Variants in DNAH11 observed in about 807,000 individuals in gnomAD.
DNAH11 encodes the protein axonemal beta dynein heavy chain 11.
Under a neutral mutation model 526.0 loss-of-function variants are expected in DNAH11, and 442 were observed. The ratio of observed to expected loss-of-function variants is 0.84; its 90% CI spans 0.78 to 0.91. DNAH11 has a LOEUF of 0.91. Among genes scored for constraint, DNAH11 ranks in the 40% least tolerant of loss-of-function variants. The pLI is 0.00. For missense variants in DNAH11, 6,989 were observed against 5,448.7 expected, an observed-to-expected ratio of 1.28 and a Z score of -8.90; for synonymous variants, 2,461 against 1,935.9, an observed-to-expected ratio of 1.27 and a Z score of -7.12.
rs1192541883 is a variant in DNAH11 at position 21,744,941 on chromosome 7, A to G, written c.8388A>G (p.Pro2796=). 7 of 1,610,820 alleles carry G rather than the reference A, an allele frequency of 4.3e-6. No homozygotes were observed. Among genetic ancestry groups the G allele is most frequent in the Non-Finnish European group, 5.9e-6 (7 of 1,178,528 alleles). Residue 2796 remains proline, a synonymous_variant, in exon 51 of 82, where the codon CCA becomes CCG. Coordinates refer to ENST00000409508, the MANE Select transcript of DNAH11 (RefSeq NM_001277115.2). The part of the protein sequence containing the change: ...YCHFADRGKD[P]HYMPVKDWEV... ...ACTTTGCTGATAGAGGGAAGGACCC[A>G]CATTACATGCCAGTGAAGGACTGGG...
chr7:21,550,997 C>T (rs927369199), intron 2 of DNAH11, among the ~76,000 whole-genome samples: 2 of 152,198 alleles, frequency 1.3e-5, no homozygotes, highest in East Asian at 1.9e-4. Flanking sequence ...ACAACTTCCA[C>T]ATACTTATTT....
chr7:21,770,795 C>T (rs1583677105), intron 55 of DNAH11, among the ~76,000 whole-genome samples: 1 of 152,140 alleles, frequency 6.6e-6, no homozygotes, highest in Non-Finnish European at 1.5e-5. Flanking sequence ...TTTTTCAGAA[C>T]TGGAAATCTA....
intron 30 of DNAH11, among the ~76,000 whole-genome samples, chr7:21,671,096 C>T (rs1469244480): frequency 6.6e-6 from 1 of 152,160 alleles, no homozygotes; most frequent in African/African-American, 2.4e-5. Flanking sequence ...ACTGGTGATG[C>T]ATCTGGGCTT....
intron 53 of DNAH11, 33 bp downstream of exon 53, chr7:21,749,834 TC>T (rs1410352927): frequency 6.2e-6 from 10 of 1,611,392 alleles, no homozygotes; most frequent in Non-Finnish European, 7.6e-6. Flanking sequence ...TGAAAGATCT[TC>T]CCCAATGACA....
intron 35 of DNAH11, among the ~76,000 whole-genome samples, chr7:21,697,340 G>T (rs1783899640): frequency 6.6e-6 from 1 of 152,092 alleles, no homozygotes; most frequent in African/African-American, 2.4e-5. Flanking sequence ...CCCTTTAAAA[G>T]TCTATCCCAG....
chr7:21,869,076 C>A (rs753309563), intron 73 of DNAH11, 85 bp downstream of exon 73: 191 of 1,568,256 alleles, frequency 1.2e-4, no homozygotes, highest in Middle Eastern at 4.4e-4. Context: ...AGAATGCTCC[C>A]TTAACACCGC....
At chr7:21,742,408 T>G (rs1785947257) in intron 49 of DNAH11, among the ~76,000 whole-genome samples, 1 of 152,024 alleles carries the variant, frequency 6.6e-6, no homozygotes, top group Non-Finnish European at 1.5e-5. Context: ...CATTTCACAT[T>G]TTGCATGGCA....
chr7:21,875,947 G>A (rs558717597), intron 74 of DNAH11, among the ~76,000 whole-genome samples: 3 of 133,192 alleles, frequency 2.3e-5, no homozygotes, highest in African/African-American at 8.9e-5. Context: ...GCAGTGGTAC[G>A]ATCTCGGCTC....
intron 28 of DNAH11, 74 bp from the exon 29 acceptor site, chr7:21,655,758 G>A (rs184860653): frequency 3.8e-5 from 54 of 1,430,344 alleles, no homozygotes; most frequent in Non-Finnish European, 4.8e-5. Flanking sequence ...GACTTCATAT[G>A]GCATCATCTC....
At chr7:21,626,985 C>A (rs567794335) in intron 25 of DNAH11, among the ~76,000 whole-genome samples, 2 of 152,006 alleles carry the variant, frequency 1.3e-5, no homozygotes, top group Admixed American at 6.6e-5. Flanking sequence ...CTCCTGACCT[C>A]GTGATCTGTG....
chr7:21,880,252 ACAGT>A (rs1783866887), intron 74 of DNAH11, among the ~76,000 whole-genome samples: 1 of 152,176 alleles, frequency 6.6e-6, no homozygotes, highest in Non-Finnish European at 1.5e-5. Context: ...AGGCTGGGAA[ACAGT>A]CAAGGGTGTC....
intron 20 of DNAH11, 94 bp from the exon 21 acceptor site, chr7:21,615,020 A>C: frequency 7.4e-7 from 1 of 1,345,740 alleles, no homozygotes; most frequent in Non-Finnish European, 1.0e-6. Flanking sequence ...GTTAAAAATC[A>C]AAGATTGAAA....
At chr7:21,865,455 A>G (rs1204212036) in intron 70 of DNAH11, among the ~76,000 whole-genome samples, 2 of 152,202 alleles carry the variant, frequency 1.3e-5, no homozygotes, top group African/African-American at 4.8e-5. Context: ...TTTAACCAAG[A>G]GTCTGTTTTC....
chr7:21,588,470 A>G, intron 10 of DNAH11, 42 bp from the exon 11 acceptor site: 2 of 1,609,728 alleles, frequency 1.2e-6, no homozygotes, highest in East Asian at 2.2e-5. Flanking sequence ...ATTCTGACTA[A>G]ATGTTCCCTT....
chr7:21,569,506 C>T (rs929130302), intron 6 of DNAH11, among the ~76,000 whole-genome samples: 1 of 152,108 alleles, frequency 6.6e-6, no homozygotes, highest in African/African-American at 2.4e-5. Context: ...CTTTCTTTTC[C>T]TCTATTCAAA....
intron 73 of DNAH11, among the ~76,000 whole-genome samples, 164 bp downstream of exon 73, chr7:21,869,155 G>T (rs1233327865): frequency 1.3e-5 from 2 of 152,174 alleles, no homozygotes; most frequent in Non-Finnish European, 2.9e-5. Flanking sequence ...GATGGTGAGG[G>T]GCTCTGCGGA....
chr7:21,762,443 A>C (rs1161074805), intron 54 of DNAH11, among the ~76,000 whole-genome samples: 6 of 152,210 alleles, frequency 3.9e-5, no homozygotes, highest in Non-Finnish European at 8.8e-5. Context: ...TGTAAATGAC[A>C]TTTCTAAAAT....
Position 21,871,750 on chromosome 7 carries a change from G to A in DNAH11, c.11968-1524G>A, listed in dbSNP as rs538380512. 4.5e-4 allele frequency among the ~76,000 whole-genome samples: 68 copies of A among 152,092 alleles called. 1 individual carries two copies. The highest frequency in any genetic ancestry group is 1.5e-3 in the African/African-American group (61 of 41,488). On this transcript the variant is annotated intron_variant, in intron 73 of 81. Coordinates refer to ENST00000409508, the MANE Select transcript of DNAH11 (RefSeq NM_001277115.2). ...TGCTAGAGTGGACGGCCAACTTTCC[G>A]TGTCTTCATGTGATTTGTCTTCTGT...
intron 65 of DNAH11, among the ~76,000 whole-genome samples, chr7:21,829,826 C>G (rs1050274642): frequency 2.0e-5 from 3 of 152,126 alleles, no homozygotes; most frequent in Admixed American, 6.6e-5. Context: ...ATAATGGTTC[C>G]TCTCTCAGCT....
Sources: gnomAD v4.1 joint callset for allele counts (sites outside exome capture counted in the v4.1 genomes callset) on GRCh38, gnomAD v4.1.1 for gene constraint, MANE v1.5 for transcripts, NCBI Gene and HGNC (gene_info 2026-07-23, HGNC 2026-07-21) for gene names.